The following TRIM2 variants were observed in gnomAD, a reference collection of about 807,000 sequenced individuals.
The protein encoded by TRIM2 is tripartite motif-containing protein 2.
A neutral mutation model predicts 75.2 loss-of-function variants in TRIM2; 20 were observed. The ratio of observed to expected loss-of-function variants is 0.27; its 90% CI spans 0.19 to 0.39. The LOEUF (loss-of-function observed/expected upper bound fraction) is 0.39. Among genes scored for constraint, TRIM2 ranks in the 10% least tolerant of loss-of-function variants. TRIM2 has a pLI of 1.00. For missense variants in TRIM2, 660 were observed against 990.8 expected (o/e 0.67, Z 4.48); for synonymous variants, 373 against 388.3 (o/e 0.96, Z 0.46).
intron 1 of TRIM2, among the ~76,000 whole-genome samples, chr4:153,247,824 A>T (rs1458957286): frequency 6.6e-6 from 1 of 152,134 alleles, no homozygotes; most frequent in Non-Finnish European, 1.5e-5. Context: ...CATATGCCCA[A>T]AAAAACCCCA....
Position 153,295,211 on chromosome 4 carries a change from C to A in TRIM2, c.787-102C>A, listed in dbSNP as rs983233662. On this transcript the variant is annotated intron_variant, in intron 5 of 11. Transcript: ENST00000338700. This position sits in a 1 kb window ranked among gnomAD's most constrained non-coding sequence, Gnocchi z 7.2. ...AACACCGCTTGCTCAGAGCCACCTGCGTGGGCAGGTGTAGAGTCTCCTTCT... is the reference window on the plus strand; with the variant it reads ...AACACCGCTTGCTCAGAGCCACCTGAGTGGGCAGGTGTAGAGTCTCCTTCT... 7.0e-7 allele frequency: 1 copy of A among 1,421,652 alleles called. No homozygotes were observed. Among genetic ancestry groups the A allele is most frequent in the African/African-American group, 1.4e-5 (1 of 69,178 alleles). 88.1% of individuals were successfully genotyped at this position (1,421,652 alleles called of 1,614,324 possible).
At chr4:153,229,357 G>C (rs545354032) in intron 1 of TRIM2, among the ~76,000 whole-genome samples, 27 of 152,214 alleles carry the variant, frequency 1.8e-4, no homozygotes, top group African/African-American at 6.5e-4. Context: ...TCCGCCTCCC[G>C]GGTTTAAACA....
chr4:153,326,119 C>A (rs1473167391), intron 10 of TRIM2, among the ~76,000 whole-genome samples: 2 of 152,076 alleles, frequency 1.3e-5, no homozygotes, highest in East Asian at 3.8e-4. Context: ...AAAAAACTTG[C>A]TTTAAATATT....
chr4:153,285,331 A>C (rs1760356611), intron 3 of TRIM2, among the ~76,000 whole-genome samples: 1 of 152,132 alleles, frequency 6.6e-6, no homozygotes, highest in South Asian at 2.1e-4. Flanking sequence ...TGTTTTGATT[A>C]CTGTAGCATT....
chr4:153,216,266 T>C (rs1281018588), intron 1 of TRIM2, among the ~76,000 whole-genome samples: 1 of 152,228 alleles, frequency 6.6e-6, no homozygotes, highest in African/African-American at 2.4e-5. Flanking sequence ...CAATGTATCA[T>C]CATTTCAAGA....
chr4:153,198,210 G>A (rs752850915), intron 1 of TRIM2, among the ~76,000 whole-genome samples: 14 of 152,122 alleles, frequency 9.2e-5, no homozygotes, highest in Non-Finnish European at 1.6e-4. Flanking sequence ...GACTTAGGAG[G>A]TCTGAGCATT....
intron 1 of TRIM2, among the ~76,000 whole-genome samples, chr4:153,267,491 A>AAC (rs1177623363): frequency 6.6e-6 from 1 of 151,506 alleles, no homozygotes; most frequent in African/African-American, 2.4e-5. Context: ...TCTCTACTAA[A>AAC]AATACAAAAA....
Position 153,322,700 on chromosome 4 carries a change from G to T in TRIM2, c.1835G>T (p.Arg612Leu). Reference sequence around the variant, plus strand: ...GGACCCAAAGGAGTTTCTGTGGACCGCAATGGGCACATTATTGTTGTGGAC... The same window carrying T: ...GGACCCAAAGGAGTTTCTGTGGACCTCAATGGGCACATTATTGTTGTGGAC... The part of the protein sequence containing the change: ...LMGPKGVSVD[R>L]NGHIIVVDNK... The change falls in exon 9 of 12, where the codon CGC becomes CTC. Residue 612 changes from arginine (R) to leucine (L), a missense_variant. Transcript: ENST00000338700. 2 of 1,614,126 alleles carry T rather than the reference G, an allele frequency of 1.2e-6. No individual in the cohort carries two copies. Among genetic ancestry groups the T allele is most frequent in the Non-Finnish European group, 1.7e-6 (2 of 1,180,016 alleles).
chr4:153,295,199 C>T lies in TRIM2; in HGVS notation c.787-114C>T. ...CCTGGGTTGACAAACACCGCTTGCT[C>T]AGAGCCACCTGCGTGGGCAGGTGTA... On this transcript the variant is annotated intron_variant, in intron 5 of 11. Coordinates refer to ENST00000338700, the MANE Select transcript of TRIM2 (RefSeq NM_015271.5). This position sits in a 1 kb window ranked among gnomAD's most constrained non-coding sequence, Gnocchi z 7.2. 3.6e-6 allele frequency: 5 copies of T among 1,392,938 alleles called. No individual in the cohort carries two copies. Among genetic ancestry groups the T allele is most frequent in the Non-Finnish European group, 4.7e-6 (5 of 1,056,426 alleles). The allele number at this position is 1,392,938 out of a possible 1,614,324, so 86.3% of individuals were successfully genotyped here. A position where few individuals can be genotyped will look rare whatever the true frequency, so the allele number is the denominator to read the frequency against.
At chr4:153,154,864 G>A (rs6853802) in intron 1 of TRIM2, among the ~76,000 whole-genome samples, 7,670 of 152,218 alleles carry the variant, frequency 0.05, 660 homozygotes, top group African/African-American at 0.17. Context: ...AATTGGCCAG[G>A]CACAGTGGCT....
At chr4:153,324,045 G>T (rs776298461) in intron 9 of TRIM2, 33 bp from the exon 10 acceptor site, 1 of 1,571,608 alleles carries the variant, frequency 6.4e-7, no homozygotes, top group Non-Finnish European at 8.7e-7. Context: ...TTTTGTTGTA[G>T]TCATCACATA....
At chr4:153,203,649 T>C (rs1373541883), upstream of TRIM2, among the ~76,000 whole-genome samples, 1 of 150,670 alleles carries the variant, frequency 6.6e-6, no homozygotes, top group Non-Finnish European at 1.5e-5. Flanking sequence ...CCCAGCACTT[T>C]GGGAGGCCAA....
At chr4:153,289,829 T>C (rs1259386745) in intron 3 of TRIM2, among the ~76,000 whole-genome samples, 1 of 152,188 alleles carries the variant, frequency 6.6e-6, no homozygotes, top group African/African-American at 2.4e-5. Context: ...AAGAGTGCCA[T>C]TGGATTGACT....
At chr4:153,316,873 C>CTTT (rs11397245) in intron 8 of TRIM2, among the ~76,000 whole-genome samples, 14,027 of 60,884 alleles carry the variant, frequency 0.23, 3,244 homozygotes, top group Middle Eastern at 0.38. Context: ...TGCATTATGC[C>CTTT]TTTTTTTTTT....
Position 153,336,347 on chromosome 4 carries a change from CAAA to C in TRIM2, c.*1390_*1392del, listed in dbSNP as rs5863039. The C allele has an allele frequency of 1.2e-6, 1 of 850,144 alleles. No homozygotes were observed. Among genetic ancestry groups the C allele is most frequent in the South Asian group, 5.5e-5 (1 of 18,256 alleles). The allele number at this position is 850,144 out of a possible 1,614,324, so 52.7% of individuals were successfully genotyped here. ...GTCAGAAAATGGCCTTCTGTGCTTTCAAAAAAAAAAACAAAAAAAAAACCACAC... is the reference window on the plus strand; with the variant it reads ...GTCAGAAAATGGCCTTCTGTGCTTTCAAAAAAAACAAAAAAAAAACCACAC... On this transcript the variant is annotated 3_prime_UTR_variant, in exon 12 of 12. Coordinates refer to ENST00000338700, the MANE Select transcript of TRIM2 (RefSeq NM_015271.5).
chr4:153,158,697 G>A (rs1033825148), intron 1 of TRIM2, among the ~76,000 whole-genome samples: 1 of 152,306 alleles, frequency 6.6e-6, no homozygotes, highest in South Asian at 2.1e-4. Flanking sequence ...CAAGTGGTGC[G>A]GATAGCCTGT....
intron 6 of TRIM2, chr4:153,308,607 A>C: frequency 4.5e-5 from 29 of 642,666 alleles, no homozygotes; most frequent in Non-Finnish European, 6.0e-5. Context: ...TGGTGATCTC[A>C]TCCACACCTT....
At chr4:153,327,013 C>G (rs1454080938) in intron 10 of TRIM2, among the ~76,000 whole-genome samples, 4 of 142,066 alleles carry the variant, frequency 2.8e-5, no homozygotes, top group Admixed American at 2.8e-4. Context: ...GAAAGATAAA[C>G]AAAATGACTA....
intron 1 of TRIM2, among the ~76,000 whole-genome samples, chr4:153,176,857 C>T (rs183066359): frequency 1.1e-3 from 175 of 152,302 alleles, no homozygotes; most frequent in Non-Finnish European, 2.0e-3. Context: ...GAGATCCACC[C>T]GCCTCGGCTT....
Sources: gnomAD v4.1 joint callset for allele counts (sites outside exome capture counted in the v4.1 genomes callset) on GRCh38, gnomAD v4.1.1 for gene constraint, Gnocchi (gnomAD v3.1) non-coding constraint, MANE v1.5 for transcripts, NCBI Gene and HGNC (gene_info 2026-07-23, HGNC 2026-07-21) for gene names.